DUSP8: variants seen among roughly 807,000 people sequenced by gnomAD.
DUSP8 encodes the protein dual specificity phosphatase 8.
A neutral mutation model predicts 38.7 loss-of-function variants in DUSP8; 15 were observed. The observed-to-expected ratio is 0.39, with a 90% CI of 0.26 to 0.60. The LOEUF is 0.60. DUSP8 is among the 20% of genes least tolerant of loss of function. The pLI, the probability that DUSP8 is intolerant of heterozygous loss-of-function variation, is 0.56. For synonymous variants in DUSP8, 458 were observed against 433.9 expected (o/e 1.06, Z -0.69); for missense variants, 768 against 915.0 (o/e 0.84, Z 2.07).
At chr11:1,563,675 T>C (rs1384460720) in intron 3 of DUSP8, among the ~76,000 whole-genome samples, 176 bp downstream of exon 3, 1 of 152,106 alleles carries the variant, frequency 6.6e-6, no homozygotes, top group Non-Finnish European at 1.5e-5. Flanking sequence ...AGGATAGTCA[T>C]ATTGGTGGGT....
rs763720271 is a variant in DUSP8, at chr11:1,557,770, G to A, written c.821+24C>T. The A allele has an allele frequency of 6.2e-7, 1 of 1,611,986 alleles. No individual in the cohort carries two copies. The highest frequency in any genetic ancestry group is 1.3e-5 in the African/African-American group (1 of 74,882). ...AGGGAAGCGACGCTGTGAGCCACAAGTGCGCGACTGGGGAAGGTGGTACCT... is the reference window on the plus strand; with the variant it reads ...AGGGAAGCGACGCTGTGAGCCACAAATGCGCGACTGGGGAAGGTGGTACCT... On this transcript the variant is annotated intron_variant, in intron 6 of 6. Coordinates refer to ENST00000397374, the MANE Select transcript of DUSP8 (RefSeq NM_004420.3). This position sits in a 1 kb window ranked among gnomAD's most constrained non-coding sequence, Gnocchi z 9.9.
At chr11:1,567,488 G>GGGCACAC (rs1848821413) in intron 1 of DUSP8, among the ~76,000 whole-genome samples, 5 of 152,228 alleles carry the variant, frequency 3.3e-5, no homozygotes, top group Non-Finnish European at 7.3e-5. Flanking sequence ...ACTCCACACT[G>GGGCACAC]AGGGGCAGGT....
At chr11:1,561,944 G>A (rs1359969235) in intron 3 of DUSP8, among the ~76,000 whole-genome samples, 1 of 152,226 alleles carries the variant, frequency 6.6e-6, no homozygotes, top group East Asian at 1.9e-4. Context: ...GTCGCCATGA[G>A]CCCACTGTAT....
rs1209138132 is a variant in DUSP8 at position 1,558,982 on chromosome 11, G to A, written c.444C>T (p.Ser148=). The part of the protein sequence containing the change: ...EGKPAALLPM[S]LSQPCLPVPS... ...GCACAGGCAGGCAGGGCTGGGAGAG[G>A]CTCATGGGTAGCAGGGCAGCAGGCT... The change falls in exon 4 of 7, where the codon AGC becomes AGT. Residue 148 remains serine, a synonymous_variant. Coordinates refer to ENST00000397374, the MANE Select transcript of DUSP8 (RefSeq NM_004420.3). This position sits in a 1 kb window ranked among gnomAD's most constrained non-coding sequence, Gnocchi z 6.3. The A allele has an allele frequency of 2.5e-6, 4 of 1,610,406 alleles. No individual in the cohort carries two copies. Among genetic ancestry groups the A allele is most frequent in the Non-Finnish European group, 3.4e-6 (4 of 1,179,180 alleles).
chr11:1,554,708 G>A lies in DUSP8; in HGVS notation c.*1810C>T, dbSNP rs1230271362. 1.1e-5 allele frequency: 8 copies of A among 759,166 alleles called. No homozygotes were observed. The highest frequency in any genetic ancestry group is 1.3e-5 in the Non-Finnish European group (8 of 621,350). The allele number at this position is 759,166 out of a possible 1,614,324, so 47.0% of individuals were successfully genotyped here. A position where few individuals can be genotyped will look rare whatever the true frequency, so the allele number is the denominator to read the frequency against. On this transcript the variant is annotated 3_prime_UTR_variant, in exon 7 of 7. Transcript: ENST00000397374. ...CCCGGACAGCACAGGGGTGGGGGGC[G>A]AGAAGCGGGAAGCCAGTGCATCCTC...
At position 1,554,700 on chromosome 11, in the gene DUSP8, T is replaced by TG. The variant is rs1403301165; in HGVS notation, c.*1817dup. On this transcript the variant is annotated 3_prime_UTR_variant, in exon 7 of 7. Transcript: ENST00000397374. The stretch of plus-strand genomic sequence containing the variant: ...CACTGTCTCCCGGACAGCACAGGGG[T>TG]GGGGGGCGAGAAGCGGGAAGCCAGT... 7.1e-6 allele frequency: 6 copies of TG among 849,210 alleles called. No homozygotes were observed. The highest frequency in any genetic ancestry group is 7.1e-6 in the Non-Finnish European group (5 of 704,076). The allele number at this position is 849,210 out of a possible 1,614,324, so 52.6% of individuals were successfully genotyped here. A position where few individuals can be genotyped will look rare whatever the true frequency, so the allele number is the denominator to read the frequency against.
At position 1,557,742 on chromosome 11, in the gene DUSP8, G is replaced by C. The variant is rs1287376800; in HGVS notation, c.821+52C>G. 1 of 1,609,482 alleles carries C rather than the reference G, an allele frequency of 6.2e-7. No homozygotes were observed. ...ATTCTGGTGCAAGTGGGCAGCCGGG[G>C]GAAGGGAAGCGACGCTGTGAGCCAC... On this transcript the variant is annotated intron_variant, in intron 6 of 6. Coordinates refer to ENST00000397374, the MANE Select transcript of DUSP8 (RefSeq NM_004420.3). The surrounding 1 kb of genome is among the most constrained non-coding windows in gnomAD (Gnocchi z 9.9).
Position 1,572,053 on chromosome 11 carries a change from C to T in DUSP8, c.-261G>A, listed in dbSNP as rs1346376967. ...GCCGCGTCGCCGTCGCCGCCGTCGC[C>T]GCCGCCAACGCCGCGGGGAGCGCTC... On this transcript the variant is annotated 5_prime_UTR_variant, in exon 1 of 7. Transcript: ENST00000397374. This position sits in a 1 kb window ranked among gnomAD's most constrained non-coding sequence, Gnocchi z 4.7. 2.7e-5 allele frequency: 4 copies of T among 145,650 alleles called. No homozygotes were observed. The highest frequency in any genetic ancestry group is 9.8e-5 in the African/African-American group (4 of 40,658). 9.0% of individuals were successfully genotyped at this position (145,650 alleles called of 1,614,324 possible). A position where few individuals can be genotyped will look rare whatever the true frequency, so the allele number is the denominator to read the frequency against.
At chr11:1,560,463 G>C (rs1848699231) in intron 3 of DUSP8, among the ~76,000 whole-genome samples, 1 of 152,154 alleles carries the variant, frequency 6.6e-6, no homozygotes, top group Non-Finnish European at 1.5e-5. Context: ...CAGAACACCT[G>C]CTGTGCCAGC....
intron 3 of DUSP8, among the ~76,000 whole-genome samples, chr11:1,563,322 T>G (rs1848750927): frequency 6.6e-6 from 1 of 152,112 alleles, no homozygotes; most frequent in African/African-American, 2.4e-5. Flanking sequence ...TGAGTGTATA[T>G]GAGTGTGTAT....
At chr11:1,559,278 C>T in intron 3 of DUSP8, 1 of 499,852 alleles carries the variant, frequency 2.0e-6, no homozygotes, top group Non-Finnish European at 3.5e-6. Context: ...CACCTACGCC[C>T]ACATTCCTCC....
chr11:1,556,024 A>G lies in DUSP8; in HGVS notation c.*494T>C, dbSNP rs1848615962. 6.6e-6 allele frequency: 1 copy of G among 151,578 alleles called. No homozygotes were observed. Among genetic ancestry groups the G allele is most frequent in the Non-Finnish European group, 1.5e-5 (1 of 67,894 alleles). 9.4% of individuals were successfully genotyped at this position (151,578 alleles called of 1,614,324 possible). A position where few individuals can be genotyped will look rare whatever the true frequency, so the allele number is the denominator to read the frequency against. ...GGGGCACACCAGCTCCTGCTCCTCCATCCTATGGCTTTGGTGCAGAGCCCT... is the reference window on the plus strand; with the variant it reads ...GGGGCACACCAGCTCCTGCTCCTCCGTCCTATGGCTTTGGTGCAGAGCCCT... On this transcript the variant is annotated 3_prime_UTR_variant, in exon 7 of 7. Transcript: ENST00000397374. This position sits in a 1 kb window ranked among gnomAD's most constrained non-coding sequence, Gnocchi z 5.2.
Position 1,557,637 on chromosome 11 carries a change from C to T in DUSP8, c.822-63G>A, listed in dbSNP as rs890117456. The T allele has an allele frequency of 4.6e-5, 69 of 1,511,104 alleles. No individual in the cohort carries two copies. The highest frequency in any genetic ancestry group is 7.1e-5 in the East Asian group (3 of 42,086). The allele number at this position is 1,511,104 out of a possible 1,614,324, so 93.6% of individuals were successfully genotyped here. A position where few individuals can be genotyped will look rare whatever the true frequency, so the allele number is the denominator to read the frequency against. ...GGCCAGGCTGCCCACCTGACGCACC[C>T]GCTGGGCACCCACGAGCTCATGTGC... On this transcript the variant is annotated intron_variant, in intron 6 of 6. Transcript: ENST00000397374. The surrounding 1 kb of genome is among the most constrained non-coding windows in gnomAD (Gnocchi z 9.9).
intron 3 of DUSP8, 113 bp from the exon 4 acceptor site, chr11:1,559,168 C>A: frequency 9.4e-7 from 1 of 1,065,978 alleles, no homozygotes; most frequent in South Asian, 1.8e-5. Context: ...CAGTCACACC[C>A]AGCCCAGACC....
At chr11:1,564,239 G>A (rs1016508762) in intron 2 of DUSP8, among the ~76,000 whole-genome samples, 9 of 152,168 alleles carry the variant, frequency 5.9e-5, no homozygotes, top group Admixed American at 2.6e-4. Flanking sequence ...CCTGCCCTGC[G>A]CAGCTGTGCC....
intron 1 of DUSP8, among the ~76,000 whole-genome samples, chr11:1,570,103 C>CG (rs1301361401): frequency 1.3e-5 from 2 of 151,198 alleles, no homozygotes; most frequent in Non-Finnish European, 2.9e-5. Context: ...TGGGGTGGGG[C>CG]GGGGGGCTCC....
rs201314844 is a variant in DUSP8, at chr11:1,565,747, G to A, written c.80C>T (p.Pro27Leu). 16 of 1,611,626 alleles carry A rather than the reference G, an allele frequency of 9.9e-6. No individual in the cohort carries two copies. Among genetic ancestry groups the A allele is most frequent in the Admixed American group, 3.3e-5 (2 of 60,012 alleles). Reference protein sequence around the residue: ...ASLLRGGPGGPLVIDSRSFVE... With the variant: ...ASLLRGGPGGLLVIDSRSFVE... The stretch of plus-strand genomic sequence containing the variant: ...GAAGGAGCGGCTGTCGATGACCAGC[G>A]GCCCCCCAGGCCCGCCCCGCAGCAG... The change falls in exon 2 of 7, where the codon CCG becomes CTG. Residue 27 changes from proline to leucine, a missense_variant. Physicochemically the swap from Pro to Leu is moderately conservative, Grantham distance 98 (BLOSUM62 -3). Transcript: ENST00000397374.
At position 1,557,835 on chromosome 11, in the gene DUSP8, G is replaced by A; in HGVS notation, c.780C>T (p.Tyr260=). Residue 260 remains tyrosine, a synonymous_variant, in exon 6 of 7, where the codon TAC becomes TAT. Transcript: ENST00000397374. The surrounding 1 kb of genome is among the most constrained non-coding windows in gnomAD (Gnocchi z 9.9). ...AGGACATGCCCATGGTCTTCATGATGTAGGCGATGGCGATGGTGGCAGAGC... is the reference window on the plus strand; with the variant it reads ...AGGACATGCCCATGGTCTTCATGATATAGGCGATGGCGATGGTGGCAGAGC... ...ISRSATIAIA[Y]IMKTMGMSSD... 1 of 1,613,886 alleles carries A rather than the reference G, an allele frequency of 6.2e-7. No individual in the cohort carries two copies. The highest frequency in any genetic ancestry group is 8.5e-7 in the Non-Finnish European group (1 of 1,180,022).
At position 1,556,370 on chromosome 11, in the gene DUSP8, G is replaced by A; in HGVS notation, c.*148C>T. Reference sequence around the variant, plus strand: ...CCGCACTGTTGCCAAATCATTGCCAGAATGAACAGCTTAAATAAATAAAAA... The same window carrying A: ...CCGCACTGTTGCCAAATCATTGCCAAAATGAACAGCTTAAATAAATAAAAA... On this transcript the variant is annotated 3_prime_UTR_variant, in exon 7 of 7. Coordinates refer to ENST00000397374, the MANE Select transcript of DUSP8 (RefSeq NM_004420.3). The surrounding 1 kb of genome is among the most constrained non-coding windows in gnomAD (Gnocchi z 5.2). The A allele has an allele frequency of 9.1e-7, 1 of 1,101,044 alleles. No homozygotes were observed. Among genetic ancestry groups the A allele is most frequent in the East Asian group, 3.2e-5 (1 of 31,012 alleles). 68.2% of individuals were successfully genotyped at this position (1,101,044 alleles called of 1,614,324 possible).
Sources: allele counts gnomAD v4.1 joint callset (sites outside exome capture counted in the v4.1 genomes callset), GRCh38; gene constraint gnomAD v4.1.1; non-coding constraint Gnocchi (gnomAD v3.1); transcripts MANE v1.5; gene names NCBI Gene and HGNC (gene_info 2026-07-23, HGNC 2026-07-21).